Variants in FAM50B observed in about 807,000 individuals in gnomAD.
FAM50B encodes family with sequence similarity 50 member B, also known as protein FAM50B.
FAM50B carries 9 observed loss-of-function variants against 25.4 expected under a neutral mutation model. That is an observed-to-expected ratio of 0.35 (90% CI 0.21 to 0.62). The LOEUF (loss-of-function observed/expected upper bound fraction) is 0.62, where lower values mean the gene tolerates loss of function less well. Among genes scored for constraint, FAM50B ranks in the 20% least tolerant of loss-of-function variants. The pLI is 0.73. For missense variants in FAM50B, 372 were observed against 477.9 expected (o/e 0.78, Z 2.07); for synonymous variants, 212 against 204.3 (o/e 1.04, Z -0.32).
At chr6:3,845,551 CCTGAGAGAG>C (rs1762110869), upstream of FAM50B, among the ~76,000 whole-genome samples, 1 of 151,994 alleles carries the variant, frequency 6.6e-6, no homozygotes, top group African/African-American at 2.4e-5. Context: ...ATATGGGAAA[CCTGAGAGAG>C]GAGACTATTG....
chr6:3,850,345 G>T lies in FAM50B; in HGVS notation c.534G>T (p.Glu178Asp), dbSNP rs1201864302. The T allele has an allele frequency of 1.2e-6, 2 of 1,613,226 alleles. No homozygotes were observed. The highest frequency in any genetic ancestry group is 1.7e-6 in the Non-Finnish European group (2 of 1,179,880). Reference protein sequence around the residue: ...ELRQEWEAQREKVKDEEMEVT... With the variant: ...ELRQEWEAQRDKVKDEEMEVT... ...GCCAAGAGTGGGAGGCGCAGCGCGAGAAAGTGAAGGACGAGGAGATGGAGG... is the reference window on the plus strand; with the variant it reads ...GCCAAGAGTGGGAGGCGCAGCGCGATAAAGTGAAGGACGAGGAGATGGAGG... The change falls in exon 2 of 2, where the codon GAG (glutamate) becomes GAT (aspartate). Residue 178 changes from glutamate (E) to aspartate (D), a missense_variant. This residue lies in a region of FAM50B where 224 missense variants were observed against 232.2 expected (regional missense o/e 0.96). Coordinates refer to ENST00000648326, the MANE Select transcript of FAM50B (RefSeq NM_012135.3).
At chr6:3,838,551 A>G in the FAM50B span, among the ~76,000 whole-genome samples, 1 of 152,036 alleles carries the variant, frequency 6.6e-6, no homozygotes, top group Non-Finnish European at 1.5e-5. Flanking sequence ...TGTATTAAAA[A>G]TACAAAAATG....
chr6:3,835,105 C>G, the FAM50B span, among the ~76,000 whole-genome samples: 1 of 152,154 alleles, frequency 6.6e-6, no homozygotes, highest in Non-Finnish European at 1.5e-5. Flanking sequence ...CCCTGGGTTT[C>G]TGCATGTCAG....
chr6:3,845,490 A>G (rs1165248324), upstream of FAM50B, among the ~76,000 whole-genome samples: 2 of 152,198 alleles, frequency 1.3e-5, no homozygotes, highest in Non-Finnish European at 2.9e-5. Flanking sequence ...TTAACTGAAA[A>G]AAAGAGGTGG....
the FAM50B span, among the ~76,000 whole-genome samples, chr6:3,841,100 A>C: frequency 1.3e-5 from 2 of 152,234 alleles, no homozygotes; most frequent in Non-Finnish European, 2.9e-5. Flanking sequence ...TAGTTAAAAG[A>C]TGGAGACGGT....
upstream of FAM50B, among the ~76,000 whole-genome samples, chr6:3,847,654 T>C (rs1213939073): frequency 1.3e-5 from 2 of 152,270 alleles, no homozygotes. Context: ...AGGAAAGCGC[T>C]TTCAGTTTCA....
chr6:3,841,215 T>C, the FAM50B span, among the ~76,000 whole-genome samples: 1 of 152,220 alleles, frequency 6.6e-6, no homozygotes, highest in African/African-American at 2.4e-5. Flanking sequence ...TTACAAGCTG[T>C]TTAAAGAATA....
At chr6:3,832,698 C>T in the FAM50B span, among the ~76,000 whole-genome samples, 3 of 152,206 alleles carry the variant, frequency 2.0e-5, no homozygotes, top group Non-Finnish European at 4.4e-5. Flanking sequence ...TCCGGAGACA[C>T]ACTTCTTTGG....
At position 3,851,004 on chromosome 6, in the gene FAM50B, G is replaced by C. The variant is rs1762214569; in HGVS notation, c.*215G>C. On this transcript the variant is annotated 3_prime_UTR_variant, in exon 2 of 2. Coordinates refer to ENST00000648326, the MANE Select transcript of FAM50B (RefSeq NM_012135.3). ...TATTTTAGTGTTGCCACCTGGATTT[G>C]CTGCATTGCTCTGCTGAGCTGTATT... The C allele has an allele frequency of 1.4e-6, 1 of 706,118 alleles. No individual in the cohort carries two copies. The highest frequency in any genetic ancestry group is 2.3e-6 in the Non-Finnish European group (1 of 429,498). The allele number at this position is 706,118 out of a possible 1,614,324, so 43.7% of individuals were successfully genotyped here.
the FAM50B span, among the ~76,000 whole-genome samples, chr6:3,836,217 C>T: frequency 6.6e-6 from 1 of 152,220 alleles, no homozygotes; most frequent in Non-Finnish European, 1.5e-5. Context: ...TTCAGTCAGT[C>T]TAGTCCTGTC....
chr6:3,841,502 A>C, the FAM50B span, among the ~76,000 whole-genome samples: 1 of 152,246 alleles, frequency 6.6e-6, no homozygotes, highest in Non-Finnish European at 1.5e-5. Context: ...ACAAATGTAC[A>C]TAGAGTCAAA....
chr6:3,841,627 G>A, the FAM50B span, among the ~76,000 whole-genome samples: 2,059 of 152,282 alleles, frequency 0.014, 22 homozygotes, highest in Non-Finnish European at 0.021. Flanking sequence ...GATTTGTTTT[G>A]TCTTCAGGGT....
At chr6:3,840,498 A>G in the FAM50B span, among the ~76,000 whole-genome samples, 12 of 152,236 alleles carry the variant, frequency 7.9e-5, no homozygotes, top group Non-Finnish European at 1.6e-4. Flanking sequence ...AACATAGCAT[A>G]GACCCAGGGC....
chr6:3,840,205 G>A, the FAM50B span, among the ~76,000 whole-genome samples: 66,367 of 151,784 alleles, frequency 0.44, 14,700 homozygotes, highest in African/African-American at 0.45. Context: ...GTGTTAGCCA[G>A]GATGGTCTCG....
chr6:3,843,475 T>C, the FAM50B span, among the ~76,000 whole-genome samples: 1 of 152,184 alleles, frequency 6.6e-6, no homozygotes, highest in Non-Finnish European at 1.5e-5. Context: ...AAAAATGAGG[T>C]CTTACAGCTC....
chr6:3,843,339 G>A, the FAM50B span, among the ~76,000 whole-genome samples: 1 of 152,080 alleles, frequency 6.6e-6, no homozygotes, highest in Non-Finnish European at 1.5e-5. Flanking sequence ...ACAGGAAACT[G>A]CTTTTTTGTT....
At chr6:3,833,808 C>G in the FAM50B span, 1 of 152,238 alleles carries the variant, frequency 6.6e-6, no homozygotes, top group South Asian at 2.1e-4. Flanking sequence ...GATGACTGAA[C>G]TGTTGAGTCA....
chr6:3,844,476 C>T (rs112335378), upstream of FAM50B, among the ~76,000 whole-genome samples: 7,282 of 151,882 alleles, frequency 0.048, 557 homozygotes, highest in African/African-American at 0.16. Flanking sequence ...TTTGGGAGGC[C>T]GAGGAGGGCA....
At position 3,849,973 on chromosome 6, in the gene FAM50B, C is replaced by T. The variant is rs560129516; in HGVS notation, c.162C>T (p.Asp54=). The T allele has an allele frequency of 3.7e-5, 59 of 1,613,918 alleles. No homozygotes were observed. In the South Asian group the frequency reaches 5.7e-4, roughly 16 times the overall value. The change falls in exon 2 of 2, where the codon GAC becomes GAT. Residue 54 remains aspartate, a synonymous_variant. Transcript: ENST00000648326. ...ACAAGAGGTTCTCGGCGCATTACGACGCCGTGGAGGCCGAGCTGAAGTCCA... is the reference window on the plus strand; with the variant it reads ...ACAAGAGGTTCTCGGCGCATTACGATGCCGTGGAGGCCGAGCTGAAGTCCA... ...QVDKRFSAHY[D]AVEAELKSST...
Sources: allele counts gnomAD v4.1 joint callset (sites outside exome capture counted in the v4.1 genomes callset), GRCh38; gene constraint gnomAD v4.1.1; regional missense constraint gnomAD v4.1.1; transcripts MANE v1.5; gene names NCBI Gene and HGNC (gene_info 2026-07-23, HGNC 2026-07-21).